Variants in CFTR observed in about 807,000 individuals in gnomAD.
CFTR encodes CF transmembrane conductance regulator.
Under a neutral mutation model 171.6 loss-of-function variants are expected in CFTR, and 181 were observed. The ratio of observed to expected loss-of-function variants is 1.05; its 90% CI spans 0.93 to 1.19. The LOEUF (loss-of-function observed/expected upper bound fraction) is 1.19, where lower values mean the gene tolerates loss of function less well. Ranked by LOEUF, CFTR falls within the 50% of genes most tolerant of loss-of-function variation. The pLI is 0.00. For synonymous variants in CFTR, 583 were observed against 608.0 expected, an observed-to-expected ratio of 0.96 and a Z score of 0.60; for missense variants, 1,968 against 1,734.7, an observed-to-expected ratio of 1.13 and a Z score of -2.39.
chr7:117,545,548 C>T (rs1799126338), intron 9 of CFTR, among the ~76,000 whole-genome samples: 1 of 152,210 alleles, frequency 6.6e-6, no homozygotes, highest in African/African-American at 2.4e-5. Flanking sequence ...CATAAACGCA[C>T]TCATTTTAGT....
At chr7:117,548,945 A>G (rs3993863) in intron 10 of CFTR, 122 bp downstream of exon 10, 26 of 1,376,458 alleles carry the variant, frequency 1.9e-5, no homozygotes, top group Non-Finnish European at 2.5e-5. Flanking sequence ...AGGAGAATGT[A>G]TGGGTGTAGT....
chr7:117,610,395 T>C, intron 18 of CFTR, 124 bp from the exon 19 acceptor site: 2 of 778,686 alleles, frequency 2.6e-6, no homozygotes, highest in Non-Finnish European at 4.1e-6. Flanking sequence ...ATAAAAAAAA[T>C]AAAAAAAAGT....
chr7:117,664,251 C>T (rs942438981), intron 24 of CFTR, among the ~76,000 whole-genome samples: 1 of 152,136 alleles, frequency 6.6e-6, no homozygotes, highest in Non-Finnish European at 1.5e-5. Flanking sequence ...CTTTATGCTA[C>T]ATTCTATCTT....
intron 10 of CFTR, among the ~76,000 whole-genome samples, chr7:117,555,560 C>T (rs1799338195): frequency 6.6e-6 from 1 of 152,124 alleles, no homozygotes; most frequent in Non-Finnish European, 1.5e-5. Context: ...ATGTTTAGTG[C>T]AATGCCATAA....
chr7:117,519,702 T>C (rs1422285359), intron 3 of CFTR, among the ~76,000 whole-genome samples: 1 of 152,024 alleles, frequency 6.6e-6, no homozygotes, highest in Non-Finnish European at 1.5e-5. Context: ...ATTAATCTGC[T>C]TCTCCCTTTA....
At chr7:117,640,792 T>C (rs1792900556) in intron 22 of CFTR, among the ~76,000 whole-genome samples, 1 of 152,194 alleles carries the variant, frequency 6.6e-6, no homozygotes, top group Admixed American at 6.6e-5. Flanking sequence ...CAAAATTGAT[T>C]AAATCCATTA....
rs181904526 is a variant in CFTR, at chr7:117,612,275, C to T, written c.3367+467C>T. On this transcript the variant is annotated intron_variant, in intron 20 of 26. Coordinates refer to ENST00000003084, the MANE Select transcript of CFTR (RefSeq NM_000492.4). The stretch of plus-strand genomic sequence containing the variant: ...CACACACACACAGAGTTCCTCTTGT[C>T]GGTAAGTTTTGTTTTTTTTAAATCT... 2.6e-3 allele frequency among the ~76,000 whole-genome samples: 378 copies of T among 144,524 alleles called. 3 individuals are homozygous for T. Among genetic ancestry groups the T allele is most frequent in the Admixed American group, 4.8e-3 (71 of 14,686 alleles). The allele number at this position is 144,524 out of a possible 152,430, so 94.8% of individuals were successfully genotyped here.
chr7:117,632,312 C>G (rs139420406), intron 22 of CFTR, among the ~76,000 whole-genome samples: 5 of 152,048 alleles, frequency 3.3e-5, no homozygotes, highest in African/African-American at 4.8e-5. Context: ...TGCTTGTAAT[C>G]GAGCACTTTG....
chr7:117,600,279 A>G (rs1257396218), intron 15 of CFTR, among the ~76,000 whole-genome samples: 1 of 151,846 alleles, frequency 6.6e-6, no homozygotes, highest in Non-Finnish European at 1.5e-5. Context: ...ATAAATAGGC[A>G]AAAAAAATCT....
intron 21 of CFTR, among the ~76,000 whole-genome samples, chr7:117,625,716 A>G (rs1308758509): frequency 6.6e-6 from 1 of 152,206 alleles, no homozygotes. Flanking sequence ...GAGGGATACT[A>G]TTCTTATGCA....
At chr7:117,530,780 C>A (rs571968658) in intron 3 of CFTR, 119 bp from the exon 4 acceptor site, 1 of 718,046 alleles carries the variant, frequency 1.4e-6, no homozygotes, top group Non-Finnish European at 2.5e-6. Flanking sequence ...TATGGTATGA[C>A]CCTCTATATA....
At position 117,549,892 on chromosome 7, in the gene CFTR, C is replaced by T. The variant is rs544073834; in HGVS notation, c.1392+1069C>T. Among the ~76,000 whole-genome samples the T allele has an allele frequency of 2.3e-4, 35 of 152,140 alleles. 1 individual carries two copies. In the South Asian group the frequency reaches 6.9e-3, roughly 30 times the overall value. ...AAGTAAGAGGGAAGCAGTGCTGCTG[C>T]TGTAGGTAAAAATGTTAATGAAAAT... On this transcript the variant is annotated intron_variant, in intron 10 of 26. Transcript: ENST00000003084.
rs141482808 is a variant in CFTR at position 117,534,357 on chromosome 7, T to G, written c.571T>G (p.Phe191Val). The part of the protein sequence containing the change: ...VSLLSNNLNK[F>V]DEGLALAHFV... ...TCTCCTTTCCAACAACCTGAACAAA[T>G]TTGATGAAGTATGTACCTATTGATT... The change falls in exon 5 of 27, where the codon TTT becomes GTT. Residue 191 changes from phenylalanine (F) to valine (V), a missense_variant. By Grantham distance (50) the Phe-to-Val change is conservative. Coordinates refer to ENST00000003084, the MANE Select transcript of CFTR (RefSeq NM_000492.4). 28 of 1,536,306 alleles carry G rather than the reference T, an allele frequency of 1.8e-5. No homozygotes were observed. In the African/African-American group the frequency reaches 3.0e-4, roughly 16 times the overall value.
At chr7:117,532,176 T>C (rs1773437064) in intron 4 of CFTR, among the ~76,000 whole-genome samples, 1 of 152,112 alleles carries the variant, frequency 6.6e-6, no homozygotes. Flanking sequence ...AGTCAACAAA[T>C]GTTTTATTTC....
At chr7:117,507,244 G>A (rs1382136410) in intron 2 of CFTR, among the ~76,000 whole-genome samples, 1 of 152,112 alleles carries the variant, frequency 6.6e-6, no homozygotes, top group Non-Finnish European at 1.5e-5. Flanking sequence ...GAAATTCCCC[G>A]ACCTTGCCTT....
intron 22 of CFTR, among the ~76,000 whole-genome samples, chr7:117,633,935 GA>G (rs748965231): frequency 7.9e-5 from 12 of 152,014 alleles, no homozygotes; most frequent in Non-Finnish European, 1.6e-4. Context: ...TGGTGTTCAT[GA>G]AAAAATATTG....
chr7:117,654,112 T>A (rs1793128449), intron 24 of CFTR, among the ~76,000 whole-genome samples: 1 of 152,186 alleles, frequency 6.6e-6, no homozygotes, highest in Non-Finnish European at 1.5e-5. Flanking sequence ...GATTTGAGTG[T>A]CTCATTCTTT....
intron 11 of CFTR, among the ~76,000 whole-genome samples, chr7:117,566,348 T>C (rs1293684398): frequency 6.6e-6 from 1 of 151,794 alleles, no homozygotes; most frequent in African/African-American, 2.4e-5. Context: ...GGCATGAGAA[T>C]AGCTTGAACC....
At position 117,531,028 on chromosome 7, in the gene CFTR, A is replaced by G. The variant is rs771512600; in HGVS notation, c.403A>G (p.Thr135Ala). The G allele has an allele frequency of 6.2e-7, 1 of 1,613,804 alleles. No individual in the cohort carries two copies. The highest frequency in any genetic ancestry group is 8.5e-7 in the Non-Finnish European group (1 of 1,179,852). The change falls in exon 4 of 27, where the codon ACA (threonine) becomes GCA (alanine). Residue 135 changes from threonine to alanine, a missense_variant. Physicochemically the swap from Thr to Ala is moderately conservative, Grantham distance 58. Transcript: ENST00000003084. Reference protein sequence around the residue: ...IGLCLLFIVRTLLLHPAIFGL... With the variant: ...IGLCLLFIVRALLLHPAIFGL... ...CTTATGCCTTCTCTTTATTGTGAGG[A>G]CACTGCTCCTACACCCAGCCATTTT...
Sources: allele counts gnomAD v4.1 joint callset (sites outside exome capture counted in the v4.1 genomes callset), GRCh38; gene constraint gnomAD v4.1.1; transcripts MANE v1.5; gene names NCBI Gene and HGNC (gene_info 2026-07-23, HGNC 2026-07-21).